Variants in DACH1 observed in about 807,000 individuals in gnomAD.
DACH1 encodes dachshund family transcription factor 1, also known as dachshund homolog 1.
Under a neutral mutation model 54.2 loss-of-function variants are expected in DACH1, and 12 were observed. That is an observed-to-expected ratio of 0.22 (90% CI 0.14 to 0.36). DACH1 has a LOEUF of 0.36. Ranked by LOEUF, DACH1 falls within the 10% of genes least tolerant of loss-of-function variation. The pLI is 1.00. For missense variants in DACH1, 805 were observed against 929.8 expected, an observed-to-expected ratio of 0.87 and a Z score of 1.75; for synonymous variants, 386 against 366.2, an observed-to-expected ratio of 1.05 and a Z score of -0.62.
At chr13:71,752,073 C>T (rs955904594) in intron 1 of DACH1, among the ~76,000 whole-genome samples, 2 of 152,106 alleles carry the variant, frequency 1.3e-5, no homozygotes, top group African/African-American at 4.8e-5. Context: ...CACTGAAATG[C>T]CATCCTCTCA....
At chr13:71,668,093 T>A (rs778307303) in intron 2 of DACH1, among the ~76,000 whole-genome samples, 5 of 151,996 alleles carry the variant, frequency 3.3e-5, no homozygotes, top group Non-Finnish European at 7.4e-5. Context: ...GATGTTTTAA[T>A]AGGAAAACGA....
In DACH1 at chr13:71,866,695, G is replaced by T; in HGVS notation, c.75C>A (p.Ser25=). 6.9e-7 allele frequency: 1 copy of T among 1,457,368 alleles called. No individual in the cohort carries two copies. The highest frequency in any genetic ancestry group is 2.7e-5 in the East Asian group (1 of 37,180). The allele number at this position is 1,457,368 out of a possible 1,614,324, so 90.3% of individuals were successfully genotyped here. A position where few individuals can be genotyped will look rare whatever the true frequency, so the allele number is the denominator to read the frequency against. ...PPQPPISTSA[S]SSGTTTSTSS... ...AGGTGGAGGTGGTGGTGCCAGAGGA[G>T]GAAGCAGACGTGGAGATTGGGGGTT... Residue 25 remains serine (S), a synonymous_variant, in exon 1 of 11, where the codon TCC becomes TCA. Coordinates refer to ENST00000613252, the MANE Select transcript of DACH1 (RefSeq NM_080759.6).
intron 6 of DACH1, among the ~76,000 whole-genome samples, chr13:71,541,096 T>C (rs1883099433): frequency 6.6e-6 from 1 of 151,942 alleles, no homozygotes; most frequent in Non-Finnish European, 1.5e-5. Flanking sequence ...CCTAGAAATA[T>C]TTTCATAAGT....
At chr13:71,657,575 A>T (rs1036657743) in intron 2 of DACH1, among the ~76,000 whole-genome samples, 8 of 25,128 alleles carry the variant, frequency 3.2e-4, no homozygotes, top group Non-Finnish European at 4.7e-4. Context: ...CCTGTCTCAA[A>T]TAAAAAAAAA....
intron 2 of DACH1, among the ~76,000 whole-genome samples, chr13:71,677,782 C>T (rs1159965110): frequency 6.6e-6 from 1 of 151,976 alleles, no homozygotes; most frequent in Non-Finnish European, 1.5e-5. Flanking sequence ...TGCAGTGGTG[C>T]GATCTCGGCT....
intron 2 of DACH1, among the ~76,000 whole-genome samples, chr13:71,672,049 G>C (rs1880236721): frequency 6.6e-6 from 1 of 152,090 alleles, no homozygotes; most frequent in Admixed American, 6.5e-5. Context: ...TCACAAGTTT[G>C]TCAATGTCTT....
chr13:71,805,378 C>T (rs923436449), intron 1 of DACH1, among the ~76,000 whole-genome samples: 1 of 152,108 alleles, frequency 6.6e-6, no homozygotes, highest in African/African-American at 2.4e-5. Context: ...TTTCTATTCC[C>T]ATTATGTTTA....
chr13:71,668,977 A>G (rs1214396470), intron 2 of DACH1, among the ~76,000 whole-genome samples: 2 of 152,168 alleles, frequency 1.3e-5, no homozygotes, highest in African/African-American at 2.4e-5. Flanking sequence ...GATGCCATAA[A>G]TATGGGAAAG....
chr13:71,560,936 T>C (rs1884544720), intron 4 of DACH1, among the ~76,000 whole-genome samples: 1 of 152,182 alleles, frequency 6.6e-6, no homozygotes, highest in South Asian at 2.1e-4. Flanking sequence ...TATAATGTAC[T>C]TATAAATAAT....
At chr13:71,444,634 G>C (rs1874286391) in intron 10 of DACH1, among the ~76,000 whole-genome samples, 1 of 152,128 alleles carries the variant, frequency 6.6e-6, no homozygotes, top group Non-Finnish European at 1.5e-5. Flanking sequence ...CTAATCATCT[G>C]TGATCTGCAG....
chr13:71,648,975 C>T (rs1466637836), intron 2 of DACH1, among the ~76,000 whole-genome samples: 1 of 152,122 alleles, frequency 6.6e-6, no homozygotes, highest in Non-Finnish European at 1.5e-5. Context: ...TTCTCAGGAT[C>T]AATAATGGAA....
At chr13:71,784,439 C>T (rs1278315760) in intron 1 of DACH1, among the ~76,000 whole-genome samples, 6 of 152,008 alleles carry the variant, frequency 3.9e-5, no homozygotes, top group Admixed American at 1.3e-4. Flanking sequence ...TCATTATTTT[C>T]GCTCTGAATT....
At chr13:71,698,334 A>AAAAATC (rs1310701571) in intron 1 of DACH1, among the ~76,000 whole-genome samples, 1 of 152,194 alleles carries the variant, frequency 6.6e-6, no homozygotes, top group Admixed American at 6.5e-5. Context: ...ATAAGGAATT[A>AAAAATC]AAAATCAAAT....
intron 1 of DACH1, among the ~76,000 whole-genome samples, chr13:71,771,152 A>C (rs1468836064): frequency 6.6e-6 from 1 of 151,426 alleles, no homozygotes; most frequent in Non-Finnish European, 1.5e-5. Context: ...AGTTACATAG[A>C]AAATAAAGTT....
At position 71,866,844 on chromosome 13, in the gene DACH1, G is replaced by C; in HGVS notation, c.-75C>G. 9.1e-7 allele frequency: 1 copy of C among 1,093,352 alleles called. No homozygotes were observed. The highest frequency in any genetic ancestry group is 1.1e-6 in the Non-Finnish European group (1 of 884,628). 67.7% of individuals were successfully genotyped at this position (1,093,352 alleles called of 1,614,324 possible). ...CCACACACCCCCGGGAGGGGAAGGG[G>C]AAAAAAGGGGGGAGAAGGAGCGAGG... On this transcript the variant is annotated 5_prime_UTR_variant, in exon 1 of 11. Transcript: ENST00000613252.
intron 1 of DACH1, among the ~76,000 whole-genome samples, chr13:71,846,984 A>T (rs997488602): frequency 6.6e-6 from 1 of 152,144 alleles, no homozygotes; most frequent in Non-Finnish European, 1.5e-5. Context: ...CTCAATTTAA[A>T]TGTTTAGATA....
At chr13:71,558,399 G>A (rs1884388722) in intron 5 of DACH1, among the ~76,000 whole-genome samples, 1 of 151,778 alleles carries the variant, frequency 6.6e-6, no homozygotes, top group Non-Finnish European at 1.5e-5. Flanking sequence ...GGTATCCCAG[G>A]CATACAAAAA....
At chr13:71,755,957 A>G (rs1012873579) in intron 1 of DACH1, among the ~76,000 whole-genome samples, 6 of 152,182 alleles carry the variant, frequency 3.9e-5, no homozygotes, top group African/African-American at 1.4e-4. Flanking sequence ...AAAAAATGTT[A>G]AATATTAAAG....
At chr13:71,525,305 A>G (rs1271528086) in intron 6 of DACH1, among the ~76,000 whole-genome samples, 6 of 152,158 alleles carry the variant, frequency 3.9e-5, no homozygotes. Context: ...TGGACTATTT[A>G]CTGCCTTGCT....
Sources: allele counts gnomAD v4.1 joint callset (sites outside exome capture counted in the v4.1 genomes callset), GRCh38; gene constraint gnomAD v4.1.1; transcripts MANE v1.5; gene names NCBI Gene and HGNC (gene_info 2026-07-23, HGNC 2026-07-21).